MATN2: variants seen among roughly 807,000 people sequenced by gnomAD.
MATN2 encodes the protein matrilin-2.
MATN2 carries 69 observed loss-of-function variants against 103.2 expected under a neutral mutation model. That is an observed-to-expected ratio of 0.67 (90% CI 0.55 to 0.82). MATN2 has a LOEUF of 0.82. Among genes scored for constraint, MATN2 ranks in the 40% least tolerant of loss-of-function variants. MATN2 has a pLI of 0.00. For missense variants in MATN2, 1,023 were observed against 1,211.5 expected (o/e 0.84, Z 2.31); for synonymous variants, 429 against 450.2 (o/e 0.95, Z 0.60).
intron 6 of MATN2, among the ~76,000 whole-genome samples, chr8:97,988,206 G>C (rs1414768162): frequency 1.1e-5 from 1 of 89,744 alleles, no homozygotes; most frequent in African/African-American, 5.6e-5. Context: ...ACACACATAT[G>C]TATACACACA....
At chr8:98,030,420 A>C (rs1460337179) in intron 14 of MATN2, 42 bp from the exon 15 acceptor site, 1 of 1,573,232 alleles carries the variant, frequency 6.4e-7, no homozygotes, top group African/African-American at 1.3e-5. Context: ...CCCTGGGAAC[A>C]CAACTCTAAC....
At chr8:97,892,436 A>G (rs1011113801) in intron 2 of MATN2, among the ~76,000 whole-genome samples, 2 of 151,366 alleles carry the variant, frequency 1.3e-5, no homozygotes, top group Non-Finnish European at 2.9e-5. Context: ...AAAAAAAAAA[A>G]AAGAAGAGTA....
At chr8:97,965,956 C>T (rs2130272984) in intron 5 of MATN2, among the ~76,000 whole-genome samples, 1 of 152,158 alleles carries the variant, frequency 6.6e-6, no homozygotes, top group East Asian at 1.9e-4. Flanking sequence ...TGCACTCCAG[C>T]CTGGGCAACA....
chr8:97,995,334 ATGAG>A (rs1812546106), intron 7 of MATN2, among the ~76,000 whole-genome samples: 1 of 152,224 alleles, frequency 6.6e-6, no homozygotes, highest in Non-Finnish European at 1.5e-5. Flanking sequence ...CTGAATGGGA[ATGAG>A]TAAGTGAATC....
At chr8:97,994,967 G>A (rs1203510763) in intron 7 of MATN2, among the ~76,000 whole-genome samples, 1 of 152,202 alleles carries the variant, frequency 6.6e-6, no homozygotes, top group Non-Finnish European at 1.5e-5. Flanking sequence ...ACTCCTACAA[G>A]ATAAGACACT....
intron 2 of MATN2, among the ~76,000 whole-genome samples, chr8:97,907,472 T>C (rs898130337): frequency 2.1e-4 from 31 of 144,836 alleles, no homozygotes; most frequent in African/African-American, 7.0e-4. Context: ...CCACCACAGC[T>C]GGCTAATTTT....
chr8:97,907,478 ATTTTTTT>A (rs751836996), intron 2 of MATN2, among the ~76,000 whole-genome samples: 3 of 138,664 alleles, frequency 2.2e-5, no homozygotes, highest in Non-Finnish European at 3.1e-5. Flanking sequence ...CAGCTGGCTA[ATTTTTTT>A]TTTTTTTTTT....
intron 5 of MATN2, among the ~76,000 whole-genome samples, chr8:97,964,565 A>T (rs1468762522): frequency 1.3e-5 from 2 of 150,888 alleles, no homozygotes; most frequent in African/African-American, 2.4e-5. Context: ...CAGCCTCCTG[A>T]GTAGCTGGGA....
At chr8:97,992,016 A>G (rs553043321) in intron 6 of MATN2, among the ~76,000 whole-genome samples, 3 of 152,388 alleles carry the variant, frequency 2.0e-5, no homozygotes, top group African/African-American at 7.2e-5. Flanking sequence ...GAAAAATGCT[A>G]TGAAGAACAT....
chr8:97,933,270 C>T (rs554076113), intron 3 of MATN2, among the ~76,000 whole-genome samples: 45 of 152,320 alleles, frequency 3.0e-4, no homozygotes, highest in African/African-American at 9.9e-4. Context: ...TCAGCTGGAA[C>T]ACTTCAATCA....
intron 5 of MATN2, among the ~76,000 whole-genome samples, chr8:97,971,318 C>T (rs1349136691): frequency 2.0e-5 from 3 of 152,184 alleles, no homozygotes; most frequent in Non-Finnish European, 4.4e-5. Flanking sequence ...TTTGATTCAT[C>T]CCTGAATTAT....
chr8:98,035,191 C>G (rs1480252853), intron 18 of MATN2, among the ~76,000 whole-genome samples: 1 of 152,084 alleles, frequency 6.6e-6, no homozygotes, highest in Non-Finnish European at 1.5e-5. Flanking sequence ...AACCCCACCT[C>G]TACTAAAAAT....
At chr8:97,969,091 C>G (rs1811574044) in intron 5 of MATN2, among the ~76,000 whole-genome samples, 1 of 152,016 alleles carries the variant, frequency 6.6e-6, no homozygotes, top group African/African-American at 2.4e-5. Context: ...TGTCACATGA[C>G]AAGGACAAGA....
intron 1 of MATN2, among the ~76,000 whole-genome samples, chr8:97,879,813 G>A (rs553451506): frequency 1.3e-5 from 2 of 152,280 alleles, no homozygotes; most frequent in Admixed American, 6.5e-5. Flanking sequence ...TCAACATCGC[G>A]GAGAACTGAG....
intron 6 of MATN2, among the ~76,000 whole-genome samples, chr8:97,983,799 G>A (rs977795): frequency 0.16 from 23,753 of 152,140 alleles, 3,350 homozygotes; most frequent in African/African-American, 0.38. Context: ...GTTTGCACTA[G>A]AAACAAAACA....
At chr8:97,938,788 T>C (rs1222518411) in intron 3 of MATN2, among the ~76,000 whole-genome samples, 1 of 152,184 alleles carries the variant, frequency 6.6e-6, no homozygotes, top group Non-Finnish European at 1.5e-5. Flanking sequence ...TAGGGTTAGG[T>C]TCCTGCAATC....
At chr8:97,969,407 G>A (rs952665076) in intron 5 of MATN2, among the ~76,000 whole-genome samples, 2 of 152,054 alleles carry the variant, frequency 1.3e-5, no homozygotes, top group Non-Finnish European at 2.9e-5. Flanking sequence ...AGGTTTTATG[G>A]GATTAAATAA....
At chr8:97,919,769 C>T (rs1294913324) in intron 2 of MATN2, among the ~76,000 whole-genome samples, 2 of 152,126 alleles carry the variant, frequency 1.3e-5, no homozygotes, top group South Asian at 2.1e-4. Flanking sequence ...GGCACTAGGC[C>T]GGGTACTAGG....
chr8:97,998,492 A>G (rs1298538658), intron 7 of MATN2, among the ~76,000 whole-genome samples: 1 of 145,432 alleles, frequency 6.9e-6, no homozygotes, highest in Non-Finnish European at 1.5e-5. Flanking sequence ...ACTGCACTCC[A>G]GCCTGGGCGA....
Sources: gnomAD v4.1 joint callset for allele counts (sites outside exome capture counted in the v4.1 genomes callset) on GRCh38, gnomAD v4.1.1 for gene constraint, MANE v1.5 for transcripts, NCBI Gene and HGNC (gene_info 2026-07-23, HGNC 2026-07-21) for gene names.